EPHA6: variants seen among roughly 807,000 people sequenced by gnomAD.
EPHA6 encodes the protein ephrin type-A receptor 6.
In EPHA6, 50 loss-of-function variants were observed where a neutral mutation model predicts 112.0. That is an observed-to-expected ratio of 0.45 (90% CI 0.36 to 0.56). The LOEUF (loss-of-function observed/expected upper bound fraction) is 0.56, where lower values mean the gene tolerates loss of function less well. EPHA6 is among the 20% of genes least tolerant of loss of function. The pLI, the probability that EPHA6 is intolerant of heterozygous loss-of-function variation, is 0.00. For missense variants in EPHA6, 1,280 were observed against 1,417.4 expected (o/e 0.90, Z 1.56); for synonymous variants, 529 against 490.7 (o/e 1.08, Z -1.03).
chr3:97,111,241 CT>C (rs2108282434), intron 3 of EPHA6, among the ~76,000 whole-genome samples: 1 of 152,176 alleles, frequency 6.6e-6, no homozygotes, highest in East Asian at 1.9e-4. Flanking sequence ...AAAAATTTGG[CT>C]TTTATTCATG....
At chr3:97,560,419 A>T (rs2093172561) in intron 11 of EPHA6, 1 of 152,056 alleles carries the variant, frequency 6.6e-6, no homozygotes, top group African/African-American at 2.4e-5. Flanking sequence ...CTGAGATTTA[A>T]ATTGAAATTA....
At chr3:97,495,438 C>G (rs946357408) in intron 10 of EPHA6, among the ~76,000 whole-genome samples, 3 of 151,382 alleles carry the variant, frequency 2.0e-5, no homozygotes, top group African/African-American at 7.3e-5. Flanking sequence ...CTTTACATGT[C>G]TATACAAATT....
chr3:96,876,832 G>T (rs73848505), intron 2 of EPHA6, among the ~76,000 whole-genome samples: 2,438 of 152,134 alleles, frequency 0.016, 66 homozygotes, highest in African/African-American at 0.049. Context: ...TCTTAAGACA[G>T]AAATTTTCTG....
chr3:97,503,357 C>T (rs1164730296), intron 10 of EPHA6, among the ~76,000 whole-genome samples: 1 of 152,064 alleles, frequency 6.6e-6, no homozygotes, highest in African/African-American at 2.4e-5. Flanking sequence ...TAAAATTTTG[C>T]TCCCTAGGTA....
intron 3 of EPHA6, among the ~76,000 whole-genome samples, chr3:97,160,426 C>A (rs1245943240): frequency 6.6e-6 from 1 of 151,770 alleles, no homozygotes; most frequent in Non-Finnish European, 1.5e-5. Flanking sequence ...ACAGGTGCCC[C>A]CCACCATGCC....
chr3:97,316,578 T>C (rs2081851786), intron 5 of EPHA6, among the ~76,000 whole-genome samples: 2 of 151,922 alleles, frequency 1.3e-5, no homozygotes, highest in African/African-American at 2.4e-5. Flanking sequence ...TGTTTGATGA[T>C]TCAGATTCAA....
At chr3:97,319,738 A>T (rs1162058886) in intron 5 of EPHA6, among the ~76,000 whole-genome samples, 1 of 151,686 alleles carries the variant, frequency 6.6e-6, no homozygotes, top group Non-Finnish European at 1.5e-5. Flanking sequence ...AAACAGGAAA[A>T]ATATATAAAG....
chr3:97,330,010 G>T (rs186554202), intron 5 of EPHA6, among the ~76,000 whole-genome samples: 4 of 152,084 alleles, frequency 2.6e-5, no homozygotes, highest in Non-Finnish European at 1.5e-5. Context: ...CGTAAGGAAG[G>T]GATCCAGTTT....
At chr3:96,978,904 T>C (rs1055127647) in intron 2 of EPHA6, among the ~76,000 whole-genome samples, 14 of 152,198 alleles carry the variant, frequency 9.2e-5, no homozygotes, top group Non-Finnish European at 1.9e-4. Context: ...TAAGGAAATA[T>C]TATAATTTCA....
intron 5 of EPHA6, among the ~76,000 whole-genome samples, chr3:97,343,126 C>G (rs1326250128): frequency 1.3e-5 from 2 of 152,170 alleles, no homozygotes; most frequent in Non-Finnish European, 2.9e-5. Context: ...GAGAAAGCCT[C>G]TGTCATCTTA....
chr3:97,350,486 A>G (rs1348361675), intron 5 of EPHA6, among the ~76,000 whole-genome samples: 1 of 152,190 alleles, frequency 6.6e-6, no homozygotes, highest in African/African-American at 2.4e-5. Flanking sequence ...TATTGTGGGA[A>G]GTCCACAATA....
chr3:97,233,253 G>C (rs1044852840), intron 4 of EPHA6, among the ~76,000 whole-genome samples: 4 of 149,896 alleles, frequency 2.7e-5, no homozygotes, highest in Admixed American at 6.7e-5. Context: ...CAGTGAGGTA[G>C]TCTGAATCAT....
chr3:96,980,401 A>C (rs908840187), intron 2 of EPHA6, among the ~76,000 whole-genome samples: 7 of 142,988 alleles, frequency 4.9e-5, no homozygotes, highest in African/African-American at 1.8e-4. Flanking sequence ...GTTCTGTTCC[A>C]TTGGTCTATA....
chr3:97,541,406 T>C (rs1384641126), intron 11 of EPHA6, among the ~76,000 whole-genome samples: 1 of 152,184 alleles, frequency 6.6e-6, no homozygotes, highest in Non-Finnish European at 1.5e-5. Context: ...AATATTAGTA[T>C]GGTAGTATTA....
intron 13 of EPHA6, among the ~76,000 whole-genome samples, chr3:97,618,912 A>G (rs931575252): frequency 1.3e-5 from 2 of 152,146 alleles, no homozygotes; most frequent in African/African-American, 2.4e-5. Context: ...AACTCATTCT[A>G]TGAGGCCAGC....
intron 5 of EPHA6, among the ~76,000 whole-genome samples, chr3:97,268,094 T>G (rs1205105187): frequency 1.3e-5 from 2 of 152,212 alleles, no homozygotes; most frequent in African/African-American, 4.8e-5. Flanking sequence ...TTGGATTCCT[T>G]TTTCCTGATT....
intron 2 of EPHA6, 47 bp from the exon 3 acceptor site, chr3:96,987,283 A>G (rs1195846343): frequency 1.3e-6 from 2 of 1,481,648 alleles, no homozygotes; most frequent in South Asian, 2.6e-5. Context: ...TTTCTGTTTA[A>G]TCACTGTGGT....
chr3:97,328,017 A>G (rs1384703165), intron 5 of EPHA6, among the ~76,000 whole-genome samples: 1 of 133,148 alleles, frequency 7.5e-6, no homozygotes, highest in Non-Finnish European at 1.5e-5. Context: ...GTATATGTGT[A>G]TATATGTATA....
intron 10 of EPHA6, among the ~76,000 whole-genome samples, chr3:97,500,854 C>A (rs1230951110): frequency 6.6e-6 from 1 of 151,922 alleles, no homozygotes; most frequent in Non-Finnish European, 1.5e-5. Flanking sequence ...TCTGTAAAAC[C>A]TTTAAAATGG....
Sources: allele counts gnomAD v4.1 joint callset (sites outside exome capture counted in the v4.1 genomes callset), GRCh38; gene constraint gnomAD v4.1.1; transcripts MANE v1.5; gene names NCBI Gene and HGNC (gene_info 2026-07-23, HGNC 2026-07-21).